MIR17HG: variants seen among roughly 807,000 people sequenced by gnomAD.
MIR17HG encodes miR-17-92a-1 cluster host gene.
At chr13:91,348,284 A>G (rs965698946) in intron 1 of MIR17HG, among the ~76,000 whole-genome samples, 4 of 147,802 alleles carry the variant, frequency 2.7e-5, no homozygotes, top group Admixed American at 1.3e-4. Flanking sequence ...GGCGAACACA[A>G]TGGCCCCTCG....
At position 91,348,695 on chromosome 13, in the gene MIR17HG, G is replaced by A. The variant is rs1230523963; in HGVS notation, n.140+736G>A. Among the ~76,000 whole-genome samples the A allele has an allele frequency of 4.6e-5, 7 of 150,802 alleles. No homozygotes were observed. In the East Asian group the frequency reaches 7.8e-4, roughly 17 times the overall value. ...CGCAGTCGGCCTCAGCCGCGGCGTG[G>A]AGCCGCCTGCGCCCGGCCGCTTGCT... is the stretch of plus-strand genomic sequence containing the variant. On this transcript the variant is annotated intron_variant and non_coding_transcript_variant, in intron 1 of 3. Transcript: ENST00000400282.
At chr13:91,349,113 C>G (rs1004372915) in intron 1 of MIR17HG, among the ~76,000 whole-genome samples, 3 of 152,006 alleles carry the variant, frequency 2.0e-5, no homozygotes, top group Admixed American at 1.3e-4. Context: ...CGCGCTCCCC[C>G]TTGTGCGACA....
chr13:91,352,491 C>G (rs1875366790), intron 3 of MIR17HG: 1 of 152,166 alleles, frequency 6.6e-6, no homozygotes, highest in African/African-American at 2.4e-5. Context: ...AAATAAACTT[C>G]CATAACACTA....
At chr13:91,350,425 T>A in intron 3 of MIR17HG, 1 of 358,608 alleles carries the variant, frequency 2.8e-6, no homozygotes, top group Admixed American at 3.5e-5. Context: ...CATAAATACG[T>A]GTCTAAATGG....
At chr13:91,351,558 G>A in intron 3 of MIR17HG, 1 of 334,352 alleles carries the variant, frequency 3.0e-6, no homozygotes, top group Non-Finnish European at 6.2e-6. Context: ...GGGGTTGCGT[G>A]TCAGATTTGG....
intron 3 of MIR17HG, among the ~76,000 whole-genome samples, chr13:91,353,221 CAG>C (rs1055325084): frequency 1.7e-4 from 25 of 145,476 alleles, no homozygotes; most frequent in African/African-American, 6.2e-4. Context: ...AAAACTGGAA[CAG>C]TGTGATAGGA....
exon 4 of MIR17HG, chr13:91,354,261 CTTA>C (rs2138696969): frequency 6.6e-6 from 1 of 152,254 alleles, no homozygotes; most frequent in South Asian, 2.1e-4. Flanking sequence ...TGAGTTACAT[CTTA>C]TTAAAGTCGA....
intron 3 of MIR17HG, among the ~76,000 whole-genome samples, chr13:91,353,198 A>G (rs940511854): frequency 1.3e-5 from 2 of 151,816 alleles, no homozygotes; most frequent in Non-Finnish European, 2.9e-5. Flanking sequence ...GAGATACACT[A>G]GCAATTTTTT....
At chr13:91,348,556 G>T (rs9556079) in intron 1 of MIR17HG, among the ~76,000 whole-genome samples, 1 of 151,292 alleles carries the variant, frequency 6.6e-6, no homozygotes, top group Non-Finnish European at 1.5e-5. Flanking sequence ...GCGGAGGGGC[G>T]CCGAGATCGG....
At chr13:91,348,924 G>C (rs868576623) in intron 1 of MIR17HG, among the ~76,000 whole-genome samples, 32 of 149,138 alleles carry the variant, frequency 2.1e-4, no homozygotes, top group African/African-American at 7.5e-4. Flanking sequence ...GGCCGGGCTC[G>C]GGGGGGCTGG....
At chr13:91,351,958 A>G (rs1272326245) in intron 3 of MIR17HG, 1 of 153,750 alleles carries the variant, frequency 6.5e-6, no homozygotes, top group African/African-American at 2.4e-5. Flanking sequence ...TCAGTGATTT[A>G]TAAGCTATAA....
intron 3 of MIR17HG, chr13:91,351,289 A>C (rs1566344726): frequency 1.9e-6 from 1 of 531,738 alleles, no homozygotes. Flanking sequence ...AAAAGTCTGT[A>C]GAAAAGTAAG....
intron 1 of MIR17HG, among the ~76,000 whole-genome samples, chr13:91,349,113 C>T (rs1004372915): frequency 1.3e-5 from 2 of 152,006 alleles, no homozygotes; most frequent in South Asian, 2.1e-4. Context: ...CGCGCTCCCC[C>T]TTGTGCGACA....
chr13:91,353,780 C>CT (rs60480664), intron 3 of MIR17HG, among the ~76,000 whole-genome samples: 16,270 of 137,084 alleles, frequency 0.12, 1,402 homozygotes, highest in African/African-American at 0.25. Flanking sequence ...AATGGGTCAA[C>CT]TTTTTTTTTT....
At chr13:91,353,109 CAAAA>C (rs549062236) in intron 3 of MIR17HG, among the ~76,000 whole-genome samples, 67 of 28,868 alleles carry the variant, frequency 2.3e-3, no homozygotes, top group African/African-American at 4.8e-3. Flanking sequence ...GACTTAAACG[CAAAA>C]AAAAAAAAAA....
At chr13:91,350,999 C>T (rs1191348342) in intron 3 of MIR17HG, 1 of 529,122 alleles carries the variant, frequency 1.9e-6, no homozygotes, top group East Asian at 5.5e-5. Context: ...ATGATTTTTA[C>T]TAATTTTGTG....
At chr13:91,350,288 C>T (rs1325176488) in intron 3 of MIR17HG, 2 of 199,182 alleles carry the variant, frequency 1.0e-5, no homozygotes, top group East Asian at 1.2e-4. Flanking sequence ...TTTGCAGTCT[C>T]ATTTTGTTTT....
chr13:91,352,525 G>C (rs556487563), intron 3 of MIR17HG: 2 of 152,228 alleles, frequency 1.3e-5, no homozygotes, highest in East Asian at 3.9e-4. Flanking sequence ...AATAAATCTA[G>C]AAATCAGCTT....
intron 1 of MIR17HG, among the ~76,000 whole-genome samples, chr13:91,349,122 CAT>C (rs1256263407): frequency 6.6e-6 from 1 of 152,028 alleles, no homozygotes; most frequent in Non-Finnish European, 1.5e-5. Flanking sequence ...CCTTGTGCGA[CAT>C]GTGCTGCCGG....
Sources: gnomAD v4.1 joint callset for allele counts (sites outside exome capture counted in the v4.1 genomes callset) on GRCh38, gnomAD v4.1.1 for gene constraint, MANE v1.5 for transcripts, NCBI Gene and HGNC (gene_info 2026-07-23, HGNC 2026-07-21) for gene names.